NKIRAS1: variants seen among roughly 807,000 people sequenced by gnomAD.
NKIRAS1 encodes the protein NF-kappa-B inhibitor-interacting Ras-like protein 1.
In NKIRAS1, 16 loss-of-function variants were observed where a neutral mutation model predicts 19.8. The observed-to-expected ratio is 0.81, with a 90% CI of 0.55 to 1.23. The LOEUF (loss-of-function observed/expected upper bound fraction) is 1.23, where lower values mean the gene tolerates loss of function less well. Among genes scored for constraint, NKIRAS1 ranks in the 50% most tolerant of loss-of-function variants. The pLI is 0.00. For synonymous variants in NKIRAS1, 88 were observed against 79.0 expected (o/e 1.11, Z -0.61); for missense variants, 184 against 220.0 (o/e 0.84, Z 1.04).
intron 1 of NKIRAS1, chr3:23,946,237 C>G (rs540079255): frequency 1.0e-6 from 1 of 985,436 alleles, no homozygotes; most frequent in Non-Finnish European, 1.2e-6. Context: ...CCGGACGCCG[C>G]ACGCTCTTTT....
rs1367499031 is a variant in NKIRAS1, at chr3:23,892,018, T to C, written c.*1077A>G. 6.6e-6 allele frequency: 1 copy of C among 152,238 alleles called. No homozygotes were observed. Among genetic ancestry groups the C allele is most frequent in the Non-Finnish European group, 1.5e-5 (1 of 68,048 alleles). The allele number at this position is 152,238 out of a possible 1,614,324, so 9.4% of individuals were successfully genotyped here. On this transcript the variant is annotated 3_prime_UTR_variant, in exon 5 of 5. Coordinates refer to ENST00000425478, the MANE Select transcript of NKIRAS1 (RefSeq NM_020345.4). ...GCTGATTTGTAAGTATCGTCTTTTA[T>C]ATGTAGTAGTTCTTCACTAGAGCTC...
At chr3:23,900,304 A>T (rs1459012765) in intron 4 of NKIRAS1, among the ~76,000 whole-genome samples, 2 of 152,182 alleles carry the variant, frequency 1.3e-5, no homozygotes, top group East Asian at 3.8e-4. Context: ...TTCTGGTCCT[A>T]ACTAAATTCA....
chr3:23,898,064 G>A (rs1702152929), intron 4 of NKIRAS1, among the ~76,000 whole-genome samples: 1 of 152,140 alleles, frequency 6.6e-6, no homozygotes, highest in African/African-American at 2.4e-5. Flanking sequence ...TCTAGTACGT[G>A]AGTGTTCATT....
chr3:23,903,688 T>C (rs1191196392), intron 3 of NKIRAS1, among the ~76,000 whole-genome samples: 2 of 152,024 alleles, frequency 1.3e-5, no homozygotes, highest in African/African-American at 4.8e-5. Context: ...TGAGAGATGA[T>C]AAACAGGAAA....
At position 23,910,916 on chromosome 3, in the gene NKIRAS1, A is replaced by G; in HGVS notation, c.-12T>C. On this transcript the variant is annotated 5_prime_UTR_variant, in exon 3 of 5. Coordinates refer to ENST00000425478, the MANE Select transcript of NKIRAS1 (RefSeq NM_020345.4). ...CAGCCCTTTCCCATCTTCTCTCAGG[A>G]TATCACTGTGGAGAGAATAACAGGT... 1 of 1,611,004 alleles carries G rather than the reference A, an allele frequency of 6.2e-7. No homozygotes were observed.
intron 1 of NKIRAS1, among the ~76,000 whole-genome samples, chr3:23,943,478 G>A (rs1267053638): frequency 1.3e-5 from 2 of 151,470 alleles, no homozygotes; most frequent in African/African-American, 2.4e-5. Flanking sequence ...TGATCCACCC[G>A]CCTTGGCCTC....
chr3:23,904,532 A>G (rs1464559918), intron 3 of NKIRAS1, among the ~76,000 whole-genome samples: 1 of 152,238 alleles, frequency 6.6e-6, no homozygotes, highest in Non-Finnish European at 1.5e-5. Context: ...TGGAGCCCTC[A>G]TGATTTAATC....
chr3:23,900,939 C>T lies in NKIRAS1; in HGVS notation c.205G>A (p.Val69Met), dbSNP rs1353814745. The T allele has an allele frequency of 1.1e-5, 18 of 1,614,198 alleles. No individual in the cohort carries two copies. The highest frequency in any genetic ancestry group is 3.3e-4 in the Middle Eastern group (2 of 6,062). The change falls in exon 4 of 5, where the codon GTG becomes ATG. Residue 69 changes from valine to methionine, a missense_variant. Coordinates refer to ENST00000425478, the MANE Select transcript of NKIRAS1 (RefSeq NM_020345.4). ...GAAAAATAATGCTTTGGCAGCTCCACGCCTTCCTGTAGACCTCTGGTGTCA... is the reference window on the plus strand; with the variant it reads ...GAAAAATAATGCTTTGGCAGCTCCATGCCTTCCTGTAGACCTCTGGTGTCA... ...LYDTRGLQEG[V>M]ELPKHYFSFA... is the part of the protein sequence containing the mutation.
At chr3:23,924,097 A>G (rs1290962595) in intron 1 of NKIRAS1, 2 of 152,242 alleles carry the variant, frequency 1.3e-5, no homozygotes, top group Non-Finnish European at 2.9e-5. Context: ...TCCAGATAGC[A>G]TAGCTATTAA....
chr3:23,892,986 GA>G lies in NKIRAS1; in HGVS notation c.*108del, dbSNP rs1701585788. On this transcript the variant is annotated 3_prime_UTR_variant, in exon 5 of 5. Coordinates refer to ENST00000425478, the MANE Select transcript of NKIRAS1 (RefSeq NM_020345.4). Reference sequence around the variant, plus strand: ...TGACTTCCTTAGGAATTTTCCTAAGGACCAAAGGTAGATACAAATGGCCTAT... The same window carrying G: ...TGACTTCCTTAGGAATTTTCCTAAGGCCAAAGGTAGATACAAATGGCCTAT... 8.3e-7 allele frequency: 1 copy of G among 1,202,804 alleles called. No homozygotes were observed. 74.5% of individuals were successfully genotyped at this position (1,202,804 alleles called of 1,614,324 possible). A position where few individuals can be genotyped will look rare whatever the true frequency, so the allele number is the denominator to read the frequency against.
chr3:23,899,705 G>C (rs1702315991), intron 4 of NKIRAS1, among the ~76,000 whole-genome samples: 1 of 152,222 alleles, frequency 6.6e-6, no homozygotes, highest in South Asian at 2.1e-4. Context: ...ATAAAGATGA[G>C]ATGAAAAGGA....
chr3:23,928,267 G>T (rs1349007371), intron 1 of NKIRAS1, among the ~76,000 whole-genome samples: 1 of 151,006 alleles, frequency 6.6e-6, no homozygotes, highest in African/African-American at 2.4e-5. Context: ...TCCAGCCTGG[G>T]CAACAGAGCA....
intron 4 of NKIRAS1, among the ~76,000 whole-genome samples, chr3:23,897,258 G>A (rs999641789): frequency 1.3e-5 from 2 of 151,794 alleles, no homozygotes; most frequent in Non-Finnish European, 2.9e-5. Flanking sequence ...CTATTTGCTT[G>A]CATTTATATA....
At chr3:23,935,420 T>C (rs764157729) in intron 1 of NKIRAS1, among the ~76,000 whole-genome samples, 8 of 152,158 alleles carry the variant, frequency 5.3e-5, no homozygotes, top group Non-Finnish European at 1.2e-4. Context: ...CTTTTTTCTT[T>C]TTCTTTTTTT....
In NKIRAS1 at chr3:23,936,548, TC is replaced by T. The variant is rs200576072; in HGVS notation, c.-140+9774del. On this transcript the variant is annotated intron_variant, in intron 1 of 4. Transcript: ENST00000421515. ...AGGTAGAGCCCGAAAAACTGCTTTTTCTTTTTTTTTTCTTTTGAGACGGAGT... is the reference window on the plus strand; with the variant it reads ...AGGTAGAGCCCGAAAAACTGCTTTTTTTTTTTTTTTCTTTTGAGACGGAGT... Among the ~76,000 whole-genome samples, 515 of 152,172 alleles carry T rather than the reference TC, an allele frequency of 3.4e-3. 14 individuals carry two copies. The East Asian group carries it at 0.05, about 15-fold the overall frequency.
chr3:23,937,971 A>G (rs552508143), intron 1 of NKIRAS1, among the ~76,000 whole-genome samples: 1 of 152,328 alleles, frequency 6.6e-6, no homozygotes, highest in East Asian at 1.9e-4. Context: ...TAAGAGACTC[A>G]GAATAGGCAA....
intron 4 of NKIRAS1, among the ~76,000 whole-genome samples, chr3:23,900,318 A>C (rs555123171): frequency 2.4e-4 from 37 of 152,130 alleles, no homozygotes; most frequent in Non-Finnish European, 4.9e-4. Context: ...AAATTCAGTC[A>C]GACCTGTATT....
In NKIRAS1 at chr3:23,890,909, C is replaced by T; in HGVS notation, c.*2186G>A. The T allele has an allele frequency of 4.7e-6, 1 of 213,266 alleles. No individual in the cohort carries two copies. The highest frequency in any genetic ancestry group is 9.3e-6 in the Non-Finnish European group (1 of 107,994). The allele number at this position is 213,266 out of a possible 1,614,324, so 13.2% of individuals were successfully genotyped here. A position where few individuals can be genotyped will look rare whatever the true frequency, so the allele number is the denominator to read the frequency against. ...CTTGTAGTCTGTAAATTTAAAACAGCTTAATTTGGTACAGGTTACACATAT... is the reference window on the plus strand; with the variant it reads ...CTTGTAGTCTGTAAATTTAAAACAGTTTAATTTGGTACAGGTTACACATAT... On this transcript the variant is annotated 3_prime_UTR_variant, in exon 5 of 5. Transcript: ENST00000425478.
At chr3:23,914,337 T>C (rs1704080365) in intron 1 of NKIRAS1, among the ~76,000 whole-genome samples, 1 of 152,178 alleles carries the variant, frequency 6.6e-6, no homozygotes, top group Non-Finnish European at 1.5e-5. Context: ...AAAACACAAC[T>C]TTCTGACGCA....
Sources: allele counts gnomAD v4.1 joint callset (sites outside exome capture counted in the v4.1 genomes callset), GRCh38; gene constraint gnomAD v4.1.1; transcripts MANE v1.5; gene names NCBI Gene and HGNC (gene_info 2026-07-23, HGNC 2026-07-21).